The following FBXW12 variants were observed in gnomAD, a reference collection of about 807,000 sequenced individuals.
FBXW12 encodes the protein F-box and WD repeat domain containing 12.
Under a neutral mutation model 55.3 loss-of-function variants are expected in FBXW12, and 43 were observed. That is an observed-to-expected ratio of 0.78 (90% CI 0.61 to 1.00). The LOEUF is 1.00. Ranked by LOEUF, FBXW12 falls within the 50% of genes least tolerant of loss-of-function variation. The pLI is 0.00. For missense variants in FBXW12, 524 were observed against 560.5 expected, an observed-to-expected ratio of 0.93 and a Z score of 0.66; for synonymous variants, 184 against 203.8, an observed-to-expected ratio of 0.90 and a Z score of 0.83.
At chr3:48,392,235 G>A (rs1575365128) in intron 10 of FBXW12, among the ~76,000 whole-genome samples, 2 of 152,170 alleles carry the variant, frequency 1.3e-5, no homozygotes, top group East Asian at 1.9e-4. Context: ...GGCGGATCAC[G>A]AGGTCAGGAG....
Position 48,375,410 on chromosome 3 carries a change from G to A in FBXW12, c.343G>A (p.Glu115Lys), listed in dbSNP as rs367677930. 6 of 1,612,958 alleles carry A rather than the reference G, an allele frequency of 3.7e-6. No individual in the cohort carries two copies. Among genetic ancestry groups the A allele is most frequent in the Non-Finnish European group, 4.2e-6 (5 of 1,179,700 alleles). Residue 115 changes from glutamate to lysine, a missense_variant, in exon 5 of 11, where the codon GAG becomes AAG. Transcript: ENST00000296438. ...SGNRLTVDEQEKSIICSVSPK... is the reference protein window; with the variant it reads ...SGNRLTVDEQKKSIICSVSPK... ...AAATAGACTTACAGTGGATGAACAG[G>A]AGAAATCAATCATTTGTAGTGTATC... is the stretch of plus-strand genomic sequence containing the variant.
chr3:48,372,436 G>C (rs2036615657), intron 1 of FBXW12, 116 bp downstream of exon 1: 2 of 1,321,934 alleles, frequency 1.5e-6, no homozygotes, highest in South Asian at 1.3e-5. Flanking sequence ...TTTCCTAAAG[G>C]GTTCTGACAA....
In FBXW12 at chr3:48,380,742, G is replaced by C; in HGVS notation, c.815G>C (p.Ser272Thr). The stretch of plus-strand genomic sequence containing the variant: ...TCCTTACTGAGACCATCAGAAGGCA[G>C]TGTTCCTCTGTCTACCTTTCTCCCA... ...TESLLRPSEG[S>T]VPLSTFLPHK... The change falls in exon 8 of 11, where the codon AGT (serine) becomes ACT (threonine). Residue 272 changes from serine to threonine, a missense_variant. Physicochemically the swap from Ser to Thr is moderately conservative, Grantham distance 58. Transcript: ENST00000296438. 6.2e-7 allele frequency: 1 copy of C among 1,614,124 alleles called. No homozygotes were observed. The highest frequency in any genetic ancestry group is 8.5e-7 in the Non-Finnish European group (1 of 1,179,978).
At chr3:48,392,530 TC>T (rs2106659544) in intron 10 of FBXW12, among the ~76,000 whole-genome samples, 1 of 150,844 alleles carries the variant, frequency 6.6e-6, no homozygotes, top group Admixed American at 6.6e-5. Flanking sequence ...TATTTTTAAA[TC>T]TGGTAATGTG....
intron 10 of FBXW12, among the ~76,000 whole-genome samples, chr3:48,392,969 G>T (rs2106660306): frequency 6.6e-6 from 1 of 150,524 alleles, no homozygotes; most frequent in Middle Eastern, 3.5e-3. Flanking sequence ...TGCTTTGTGG[G>T]CAGAGGAAGG....
At chr3:48,377,410 A>G (rs1237288101) in intron 5 of FBXW12, among the ~76,000 whole-genome samples, 2 of 152,196 alleles carry the variant, frequency 1.3e-5, no homozygotes, top group Admixed American at 1.3e-4. Context: ...CCCTCCAGAA[A>G]GATCTGTGTG....
intron 4 of FBXW12, among the ~76,000 whole-genome samples, chr3:48,374,737 A>G (rs891453761): frequency 5.1e-4 from 76 of 147,670 alleles, no homozygotes; most frequent in African/African-American, 1.8e-3. Flanking sequence ...GGCGTGAGCC[A>G]CTGTACCTGG....
At chr3:48,377,143 C>G (rs1490426936) in intron 5 of FBXW12, among the ~76,000 whole-genome samples, 1 of 152,110 alleles carries the variant, frequency 6.6e-6, no homozygotes, top group Admixed American at 6.6e-5. Context: ...TAGGGGGAAA[C>G]TGAATCACTG....
Position 48,372,301 on chromosome 3 carries a change from A to G in FBXW12, c.-104A>G, listed in dbSNP as rs773566778. On this transcript the variant is annotated 5_prime_UTR_variant, in exon 1 of 11. Coordinates refer to ENST00000296438, the MANE Select transcript of FBXW12 (RefSeq NM_207102.2). Reference sequence around the variant, plus strand: ...TGGCGCTGAGAGATGAGCCCCACTCACCAGATTCAAGATCCCAAGGTAGGC... The same window carrying G: ...TGGCGCTGAGAGATGAGCCCCACTCGCCAGATTCAAGATCCCAAGGTAGGC... 1 of 1,552,238 alleles carries G rather than the reference A, an allele frequency of 6.4e-7. No homozygotes were observed. Among genetic ancestry groups the G allele is most frequent in the South Asian group, 1.2e-5 (1 of 84,062 alleles).
At chr3:48,390,406 CTTTTTTTTTTTTTTTT>C (rs71625870) in intron 10 of FBXW12, among the ~76,000 whole-genome samples, 1 of 57,928 alleles carries the variant, frequency 1.7e-5, no homozygotes, top group South Asian at 9.5e-4. Flanking sequence ...AGGATTTCCT[CTTTTTTTTTTTTTTTT>C]TTTTTTTTTT....
At chr3:48,381,595 G>A (rs2036774917) in intron 8 of FBXW12, 105 bp from the exon 9 acceptor site, 3 of 1,268,400 alleles carry the variant, frequency 2.4e-6, no homozygotes, top group Non-Finnish European at 3.1e-6. Context: ...TGTGGAAGTG[G>A]GGACTATGCT....
At chr3:48,379,820 A>G in intron 7 of FBXW12, 1 of 416,274 alleles carries the variant, frequency 2.4e-6, no homozygotes, top group Non-Finnish European at 4.5e-6. Context: ...GACAGGTATC[A>G]AGAAATAGGG....
chr3:48,391,956 A>G (rs1289228368), intron 10 of FBXW12, among the ~76,000 whole-genome samples: 2 of 151,838 alleles, frequency 1.3e-5, no homozygotes, highest in Admixed American at 1.3e-4. Flanking sequence ...TTCCTTTTTC[A>G]TTGCCAGTAC....
At chr3:48,372,398 C>A in intron 1 of FBXW12, 78 bp downstream of exon 1, 1 of 1,488,790 alleles carries the variant, frequency 6.7e-7, no homozygotes, top group Non-Finnish European at 9.2e-7. Context: ...ACACTCAGAT[C>A]TGATCAAAGT....
chr3:48,375,901 T>G (rs1159815125), intron 5 of FBXW12, among the ~76,000 whole-genome samples: 1 of 150,546 alleles, frequency 6.6e-6, no homozygotes, highest in Non-Finnish European at 1.5e-5. Context: ...GGTCTCGATC[T>G]CCTGACCTTG....
At position 48,382,022 on chromosome 3, in the gene FBXW12, G is replaced by A. The variant is rs147987975; in HGVS notation, c.1232G>A (p.Arg411His). ...GTGTACATGTGGGAAGAAGGAGGCCGCCATCCATACCTCAGGAGCTGCTGT... is the reference window on the plus strand; with the variant it reads ...GTGTACATGTGGGAAGAAGGAGGCCACCATCCATACCTCAGGAGCTGCTGT... ...VHVYMWEEGG[R>H]HPYLRSCCHL... is the part of the protein sequence containing the mutation. The change falls in exon 10 of 11, where the codon CGC becomes CAC. Residue 411 changes from arginine (R) to histidine (H), a missense_variant. By Grantham distance (29) the Arg-to-His change is conservative (BLOSUM62 0). Coordinates refer to ENST00000296438, the MANE Select transcript of FBXW12 (RefSeq NM_207102.2). 9 of 1,613,376 alleles carry A rather than the reference G, an allele frequency of 5.6e-6. No homozygotes were observed. Among genetic ancestry groups the A allele is most frequent in the East Asian group, 4.5e-5 (2 of 44,902 alleles).
At chr3:48,394,339 G>T (rs2036974705) in intron 10 of FBXW12, among the ~76,000 whole-genome samples, 1 of 152,112 alleles carries the variant, frequency 6.6e-6, no homozygotes, top group African/African-American at 2.4e-5. Flanking sequence ...GACAATTCTG[G>T]CAATAATATT....
At chr3:48,377,806 G>A (rs929154543) in intron 5 of FBXW12, among the ~76,000 whole-genome samples, 13 of 152,176 alleles carry the variant, frequency 8.5e-5, no homozygotes, top group Non-Finnish European at 1.9e-4. Context: ...TAAACTTCGT[G>A]CTCTTTTCTT....
intron 10 of FBXW12, among the ~76,000 whole-genome samples, chr3:48,391,770 G>C (rs2106657923): frequency 6.6e-6 from 1 of 152,112 alleles, no homozygotes; most frequent in African/African-American, 2.4e-5. Flanking sequence ...TTTTAATTCT[G>C]TTTATGTGGG....
Sources: allele counts gnomAD v4.1 joint callset (sites outside exome capture counted in the v4.1 genomes callset), GRCh38; gene constraint gnomAD v4.1.1; transcripts MANE v1.5; gene names NCBI Gene and HGNC (gene_info 2026-07-23, HGNC 2026-07-21).